Variants in MAP3K1 observed in about 807,000 individuals in gnomAD.
The protein encoded by MAP3K1 is mitogen-activated protein kinase kinase kinase 1, also known as MAP/ERK kinase kinase 1.
MAP3K1 carries 36 observed loss-of-function variants against 144.2 expected under a neutral mutation model. That is an observed-to-expected ratio of 0.25 (90% confidence interval 0.19 to 0.33). The LOEUF (loss-of-function observed/expected upper bound fraction) is 0.33, where lower values mean the gene tolerates loss of function less well. Ranked by LOEUF, MAP3K1 falls within the 10% of genes least tolerant of loss-of-function variation. The pLI is 1.00. For missense variants in MAP3K1, 1,650 were observed against 1,881.9 expected (o/e 0.88, Z 2.28); for synonymous variants, 718 against 688.7 (o/e 1.04, Z -0.67).
intron 18 of MAP3K1, chr5:56,887,836 A>G (rs1414783610): frequency 3.6e-5 from 16 of 438,654 alleles, no homozygotes; most frequent in South Asian, 2.0e-4. Flanking sequence ...TTCTCTCTCT[A>G]TTCTAAAAGG....
intron 1 of MAP3K1, among the ~76,000 whole-genome samples, chr5:56,824,799 G>GA (rs899086737): frequency 6.6e-6 from 1 of 152,120 alleles, no homozygotes; most frequent in Non-Finnish European, 1.5e-5. Context: ...GCTGCTTACC[G>GA]AATGTCTTAT....
chr5:56,841,220 G>C (rs1423763584), intron 1 of MAP3K1, among the ~76,000 whole-genome samples: 1 of 147,260 alleles, frequency 6.8e-6, no homozygotes, highest in African/African-American at 2.5e-5. Flanking sequence ...AAAAAAACTA[G>C]ACAGGTTAAT....
chr5:56,851,376 A>G (rs570599432), intron 1 of MAP3K1, among the ~76,000 whole-genome samples: 7 of 152,346 alleles, frequency 4.6e-5, no homozygotes, highest in African/African-American at 1.7e-4. Context: ...TTCCAAATTA[A>G]AGAATCCACC....
rs2111943842 is a variant in MAP3K1, at chr5:56,882,107, C to T, written c.2907C>T (p.Ser969=). 1 of 1,614,032 alleles carries T rather than the reference C, an allele frequency of 6.2e-7. No homozygotes were observed. The change falls in exon 14 of 20, where the codon TCC becomes TCT. Residue 969 remains serine (S), a synonymous_variant. Transcript: ENST00000399503. ...GACCCCACAGTCAGTGTTTGAACTCCTCTCCTTTATCTCATCATTCCCAAT... is the reference window on the plus strand; with the variant it reads ...GACCCCACAGTCAGTGTTTGAACTCTTCTCCTTTATCTCATCATTCCCAAT... ...KGRPHSQCLN[S]SPLSHHSQLM...
chr5:56,824,953 T>C (rs993306863), intron 1 of MAP3K1, among the ~76,000 whole-genome samples: 1 of 152,120 alleles, frequency 6.6e-6, no homozygotes, highest in Non-Finnish European at 1.5e-5. Context: ...TTTTATTTTT[T>C]TTTTTGAGAC....
At chr5:56,892,871 C>T (rs1322419542) in intron 19 of MAP3K1, among the ~76,000 whole-genome samples, 1 of 150,724 alleles carries the variant, frequency 6.6e-6, no homozygotes, top group African/African-American at 2.4e-5. Context: ...TATTGCAGCA[C>T]AAATTTTAGA....
intron 1 of MAP3K1, among the ~76,000 whole-genome samples, chr5:56,824,397 G>A (rs1309940715): frequency 2.0e-5 from 3 of 152,216 alleles, no homozygotes. Context: ...TTGTTCATGT[G>A]GTGTTCCTAA....
rs1168774354 is a variant in MAP3K1, at chr5:56,894,789, A to G, written c.*1109A>G. The G allele has an allele frequency of 9.0e-5, 21 of 232,076 alleles. 1 individual carries two copies. In the Admixed American group the frequency reaches 1.1e-3, roughly 12 times the overall value. 14.4% of individuals were successfully genotyped at this position (232,076 alleles called of 1,614,324 possible). A position where few individuals can be genotyped will look rare whatever the true frequency, so the allele number is the denominator to read the frequency against. On this transcript the variant is annotated 3_prime_UTR_variant, in exon 20 of 20. Transcript: ENST00000399503. ...GATCATTTTTTAAAAAGATTATTCAACTACCAATCAGTAATGTTTTTAAAC... is the reference window on the plus strand; with the variant it reads ...GATCATTTTTTAAAAAGATTATTCAGCTACCAATCAGTAATGTTTTTAAAC...
chr5:56,879,170 C>G (rs920876692), intron 11 of MAP3K1, 69 bp downstream of exon 11: 19 of 1,509,854 alleles, frequency 1.3e-5, no homozygotes, highest in Non-Finnish European at 1.6e-5. Flanking sequence ...AGCCTCACAC[C>G]TAGTGTGAAT....
chr5:56,882,303 G>A lies in MAP3K1; in HGVS notation c.3103G>A (p.Glu1035Lys), dbSNP rs1748246465. ...FSLQFHRNCPENKDSDKLSPV... is the reference protein window; with the variant it reads ...FSLQFHRNCPKNKDSDKLSPV... ...TCTACAATTCCACAGAAACTGTCCT[G>A]AAAACAAAGACTCAGATAAACTTTC... Residue 1035 changes from glutamate to lysine, a missense_variant, in exon 14 of 20, where the codon GAA becomes AAA. This residue lies in a region of MAP3K1 where 841 missense variants were observed against 886.5 expected (regional missense o/e 0.95). Transcript: ENST00000399503. 6.2e-7 allele frequency: 1 copy of A among 1,614,074 alleles called. No individual in the cohort carries two copies. Among genetic ancestry groups the A allele is most frequent in the South Asian group, 1.1e-5 (1 of 91,082 alleles).
In MAP3K1 at chr5:56,815,724, G is replaced by A. The variant is rs2111725904; in HGVS notation, c.151G>A (p.Gly51Ser). Residue 51 changes from glycine to serine, a missense_variant, in exon 1 of 20, where the codon GGC becomes AGC. This residue lies in a region of MAP3K1 where 360 missense variants were observed against 274.7 expected (regional missense o/e 1.31). Transcript: ENST00000399503. ...ACTGCTGCGGGAGGCGGGCAGCGGG[G>A]GCCGCGAGCGGGCGGACTGGCGGCG... Reference protein sequence around the residue: ...AGLLREAGSGGRERADWRRRQ... With the variant: ...AGLLREAGSGSRERADWRRRQ... 1.5e-6 allele frequency: 2 copies of A among 1,338,310 alleles called. No individual in the cohort carries two copies. Among genetic ancestry groups the A allele is most frequent in the Non-Finnish European group, 1.9e-6 (2 of 1,043,790 alleles). The allele number at this position is 1,338,310 out of a possible 1,614,324, so 82.9% of individuals were successfully genotyped here.
At chr5:56,817,656 TAACTG>T (rs1372347366) in intron 1 of MAP3K1, among the ~76,000 whole-genome samples, 1 of 152,206 alleles carries the variant, frequency 6.6e-6, no homozygotes, top group Non-Finnish European at 1.5e-5. Context: ...TATTAAAACT[TAACTG>T]GAATAATTCT....
chr5:56,879,914 T>C (rs1415638261), intron 11 of MAP3K1, among the ~76,000 whole-genome samples: 2 of 152,188 alleles, frequency 1.3e-5, no homozygotes, highest in Non-Finnish European at 2.9e-5. Flanking sequence ...AGTACAACCT[T>C]TCTCTTCCTC....
chr5:56,881,826 A>T lies in MAP3K1; in HGVS notation c.2626A>T (p.Thr876Ser), dbSNP rs1196032304. 1 of 1,614,014 alleles carries T rather than the reference A, an allele frequency of 6.2e-7. No individual in the cohort carries two copies. The change falls in exon 14 of 20, where the codon ACT (threonine) becomes TCT (serine). Residue 876 changes from threonine (T) to serine (S), a missense_variant. Transcript: ENST00000399503. ...AEAIQLGVED[T>S]LDGQQDSFLQ... Reference sequence around the variant, plus strand: ...AGCCATCCAGTTGGGCGTAGAAGACACTTTGGATGGTCAACAGGACAGCTT... The same window carrying T: ...AGCCATCCAGTTGGGCGTAGAAGACTCTTTGGATGGTCAACAGGACAGCTT...
intron 1 of MAP3K1, among the ~76,000 whole-genome samples, chr5:56,848,102 C>CA (rs11399910): frequency 0.61 from 92,282 of 150,364 alleles, 29,335 homozygotes; most frequent in Non-Finnish European, 0.71. Context: ...TAATTGACTG[C>CA]AAAAAAAAAA....
chr5:56,826,730 A>G (rs1177736710), intron 1 of MAP3K1, among the ~76,000 whole-genome samples: 2 of 152,222 alleles, frequency 1.3e-5, no homozygotes, highest in African/African-American at 2.4e-5. Flanking sequence ...TTGTGGGATC[A>G]ATGGATGTTC....
chr5:56,870,391 C>T (rs1316992525), intron 6 of MAP3K1, among the ~76,000 whole-genome samples: 1 of 152,036 alleles, frequency 6.6e-6, no homozygotes, highest in Non-Finnish European at 1.5e-5. Context: ...AAAAGCCATC[C>T]CTCACATCAT....
chr5:56,831,461 A>T (rs146616218), intron 1 of MAP3K1, among the ~76,000 whole-genome samples: 6 of 151,216 alleles, frequency 4.0e-5, no homozygotes, highest in African/African-American at 1.5e-4. Context: ...CCTAGCCCTA[A>T]TTTTTTTTTA....
At position 56,815,813 on chromosome 5, in the gene MAP3K1, T is replaced by G. The variant is rs1320065205; in HGVS notation, c.240T>G (p.Leu80=). The G allele has an allele frequency of 9.8e-6, 14 of 1,422,346 alleles. No homozygotes were observed. Among genetic ancestry groups the G allele is most frequent in the East Asian group, 3.1e-5 (1 of 32,074 alleles). 88.1% of individuals were successfully genotyped at this position (1,422,346 alleles called of 1,614,324 possible). A position where few individuals can be genotyped will look rare whatever the true frequency, so the allele number is the denominator to read the frequency against. Residue 80 remains leucine (L), a synonymous_variant, in exon 1 of 20, where the codon CTT becomes CTG. Coordinates refer to ENST00000399503, the MANE Select transcript of MAP3K1 (RefSeq NM_005921.2). Reference sequence around the variant, plus strand: ...AGCTGCCTGAGCAGCCGCTCTTCCTTGCCGCCTCACCGCCGGCCTCCTCGA... The same window carrying G: ...AGCTGCCTGAGCAGCCGCTCTTCCTGGCCGCCTCACCGCCGGCCTCCTCGA... The part of the protein sequence containing the change: ...LDQLPEQPLF[L]AASPPASSTS...
Sources: allele counts gnomAD v4.1 joint callset (sites outside exome capture counted in the v4.1 genomes callset), GRCh38; gene constraint gnomAD v4.1.1; regional missense constraint gnomAD v4.1.1; transcripts MANE v1.5; gene names NCBI Gene and HGNC (gene_info 2026-07-23, HGNC 2026-07-21).